The following NKAIN2 variants were observed in gnomAD, a reference collection of about 807,000 sequenced individuals.
NKAIN2 encodes sodium/potassium transporting ATPase interacting 2.
NKAIN2 carries 14 observed loss-of-function variants against 32.6 expected under a neutral mutation model. The observed-to-expected ratio is 0.43, with a 90% CI of 0.28 to 0.67. NKAIN2 has a LOEUF of 0.67. Ranked by LOEUF, NKAIN2 falls within the 30% of genes least tolerant of loss-of-function variation. The probability of loss-of-function intolerance (pLI) is 0.17; values close to 1 mark genes in which losing one functional copy is unlikely to be tolerated. For synonymous variants in NKAIN2, 80 were observed against 87.2 expected (o/e 0.92, Z 0.46); for missense variants, 198 against 258.3 (o/e 0.77, Z 1.60).
chr6:124,345,169 C>G (rs1332680997), intron 2 of NKAIN2, among the ~76,000 whole-genome samples: 2 of 152,010 alleles, frequency 1.3e-5, no homozygotes, highest in African/African-American at 4.8e-5. Flanking sequence ...AGCCTTGCAT[C>G]CCAGGGATGA....
At chr6:124,251,266 G>T (rs1367681909) in intron 1 of NKAIN2, among the ~76,000 whole-genome samples, 1 of 151,882 alleles carries the variant, frequency 6.6e-6, no homozygotes, top group Non-Finnish European at 1.5e-5. Context: ...TTAACTTAAA[G>T]TATAAGGAGA....
chr6:124,291,607 C>A (rs1562474757), intron 2 of NKAIN2, among the ~76,000 whole-genome samples: 1 of 152,044 alleles, frequency 6.6e-6, no homozygotes, highest in Non-Finnish European at 1.5e-5. Flanking sequence ...CATCAAGCAG[C>A]CAGGGAAGAT....
intron 1 of NKAIN2, among the ~76,000 whole-genome samples, chr6:123,841,787 A>G (rs544672258): frequency 1.3e-5 from 2 of 152,284 alleles, no homozygotes; most frequent in East Asian, 3.9e-4. Context: ...AAACCAACAA[A>G]GCTAACAGTA....
chr6:124,359,289 C>A (rs1387750031), intron 3 of NKAIN2, among the ~76,000 whole-genome samples: 1 of 152,052 alleles, frequency 6.6e-6, no homozygotes, highest in African/African-American at 2.4e-5. Context: ...TTTAAAGTAG[C>A]TTTTTCCAAT....
intron 2 of NKAIN2, among the ~76,000 whole-genome samples, chr6:124,350,133 T>C (rs1176363557): frequency 6.6e-6 from 1 of 152,194 alleles, no homozygotes; most frequent in Admixed American, 6.5e-5. Context: ...CTTTATTATA[T>C]TAGGTCATCT....
chr6:124,465,741 G>A (rs1776727467), intron 3 of NKAIN2, among the ~76,000 whole-genome samples: 1 of 151,884 alleles, frequency 6.6e-6, no homozygotes, highest in Non-Finnish European at 1.5e-5. Context: ...TTGTTAGAAT[G>A]CTGTCAACCT....
intron 3 of NKAIN2, among the ~76,000 whole-genome samples, chr6:124,625,346 T>TCTCA (rs1783277681): frequency 6.6e-6 from 1 of 152,124 alleles, no homozygotes; most frequent in African/African-American, 2.4e-5. Context: ...ATAAAGTGTC[T>TCTCA]CTCACTGCCA....
intron 1 of NKAIN2, among the ~76,000 whole-genome samples, chr6:124,152,343 A>G (rs1787768714): frequency 1.3e-5 from 2 of 151,966 alleles, no homozygotes; most frequent in Non-Finnish European, 2.9e-5. Flanking sequence ...TGCATGATCT[A>G]ATTAATACAG....
At chr6:124,438,730 A>G (rs906912643) in intron 3 of NKAIN2, among the ~76,000 whole-genome samples, 1 of 152,122 alleles carries the variant, frequency 6.6e-6, no homozygotes, top group Non-Finnish European at 1.5e-5. Context: ...GTCACTAACT[A>G]AATAACATTT....
intron 1 of NKAIN2, among the ~76,000 whole-genome samples, chr6:123,852,351 T>C (rs1775383969): frequency 6.6e-6 from 1 of 152,206 alleles, no homozygotes; most frequent in Admixed American, 6.5e-5. Context: ...TATATTGCTA[T>C]TGACTATTGC....
chr6:124,218,050 G>T (rs540384617), intron 1 of NKAIN2, among the ~76,000 whole-genome samples: 5 of 151,352 alleles, frequency 3.3e-5, no homozygotes, highest in African/African-American at 1.2e-4. Context: ...GGAAAAAGAG[G>T]AATTCGTCTA....
intron 2 of NKAIN2, among the ~76,000 whole-genome samples, chr6:124,326,429 T>G (rs941962702): frequency 1.3e-5 from 2 of 152,168 alleles, no homozygotes; most frequent in Admixed American, 1.3e-4. Context: ...CCTGTTACCA[T>G]GAACACCTCA....
At chr6:124,764,390 T>C (rs1007675360) in intron 4 of NKAIN2, among the ~76,000 whole-genome samples, 5 of 152,200 alleles carry the variant, frequency 3.3e-5, no homozygotes, top group African/African-American at 1.2e-4. Flanking sequence ...AATATATTTG[T>C]CAATGTTATG....
chr6:124,294,398 CTGTT>C lies in NKAIN2; in HGVS notation c.192+11260_192+11263del, dbSNP rs777686461. On this transcript the variant is annotated intron_variant, in intron 2 of 6. Transcript: ENST00000368417. ...CCAATATCCATTCATAGCACACAGT[CTGTT>C]TGTCAAATAATAATTATAAACAATT... Among the ~76,000 whole-genome samples the C allele has an allele frequency of 1.4e-3, 209 of 152,192 alleles. 2 individuals are homozygous for C. The highest frequency in any genetic ancestry group is 8.4e-4 in the Non-Finnish European group (57 of 68,010).
intron 3 of NKAIN2, among the ~76,000 whole-genome samples, chr6:124,406,014 G>T (rs544873850): frequency 1.4e-5 from 1 of 73,758 alleles, no homozygotes; most frequent in East Asian, 3.7e-4. Context: ...TACCACCACG[G>T]TGTGTGTGTG....
At chr6:124,531,651 G>A (rs1779529647) in intron 3 of NKAIN2, among the ~76,000 whole-genome samples, 1 of 152,094 alleles carries the variant, frequency 6.6e-6, no homozygotes, top group Non-Finnish European at 1.5e-5. Context: ...GTGAATATTT[G>A]AAAGTTTTTA....
chr6:124,337,586 C>G (rs561498045), intron 2 of NKAIN2, among the ~76,000 whole-genome samples: 1 of 152,196 alleles, frequency 6.6e-6, no homozygotes, highest in Admixed American at 6.5e-5. Context: ...AAATGCAAAC[C>G]GAGTGATCAC....
chr6:124,694,317 G>T (rs1774392029), intron 4 of NKAIN2, among the ~76,000 whole-genome samples: 1 of 152,126 alleles, frequency 6.6e-6, no homozygotes, highest in East Asian at 1.9e-4. Context: ...TCACAATCAG[G>T]CACTCTGCAA....
chr6:124,309,003 G>T (rs1796616481), intron 2 of NKAIN2, among the ~76,000 whole-genome samples: 1 of 152,064 alleles, frequency 6.6e-6, no homozygotes, highest in African/African-American at 2.4e-5. Context: ...AAATAAAAGA[G>T]ACTACAGAAA....
Sources: allele counts gnomAD v4.1 joint callset (sites outside exome capture counted in the v4.1 genomes callset), GRCh38; gene constraint gnomAD v4.1.1; transcripts MANE v1.5; gene names NCBI Gene and HGNC (gene_info 2026-07-23, HGNC 2026-07-21).